Variants in RBM3 observed in about 807,000 individuals in gnomAD.
The protein encoded by RBM3 is RNA-binding protein 3.
RBM3 carries 3 observed loss-of-function variants against 12.0 expected under a neutral mutation model. That is an observed-to-expected ratio of 0.25 (90% CI 0.11 to 0.65). The LOEUF (loss-of-function observed/expected upper bound fraction) is 0.65. Ranked by LOEUF, RBM3 falls within the 30% of genes least tolerant of loss-of-function variation. The pLI is 0.84. For missense variants in RBM3, 108 were observed against 134.5 expected, an observed-to-expected ratio of 0.80 and a Z score of 0.97; for synonymous variants, 58 against 45.7, an observed-to-expected ratio of 1.27 and a Z score of -1.08.
intron 1 of RBM3, 133 bp downstream of exon 1, chrX:48,574,706 G>A (rs1556988790): frequency 3.0e-6 from 1 of 331,707 alleles, no homozygotes; most frequent in Non-Finnish European, 5.9e-6. Context: ...GGACGGGCGG[G>A]TCCCGTGCTT....
intron 2 of RBM3, 138 bp downstream of exon 2, chrX:48,575,421 A>T (rs781839930): frequency 5.0e-6 from 4 of 796,940 alleles, no homozygotes; most frequent in Non-Finnish European, 7.3e-6. Context: ...TAGACTAAGG[A>T]TGAGGGGAAG....
Position 48,575,606 on chromosome X carries a change from G to C in RBM3, c.149G>C (p.Gly50Ala). ...GAGACTCAGCGGTCCAGGGGTTTTG[G>C]TTTCATCACCTTCACCAACCCAGAG... Reference protein sequence around the residue: ...DRETQRSRGFGFITFTNPEHA... With the variant: ...DRETQRSRGFAFITFTNPEHA... The change falls in exon 3 of 7, where the codon GGT becomes GCT. Residue 50 changes from glycine (G) to alanine (A), a missense_variant. Gly to Ala is a moderately conservative substitution (Grantham distance 60). This residue lies in a region of RBM3 where 43 missense variants were observed against 79.6 expected (regional missense o/e 0.54). Coordinates refer to ENST00000376759, the MANE Select transcript of RBM3 (RefSeq NM_006743.5). The C allele has an allele frequency of 8.3e-7, 1 of 1,211,642 alleles. No individual in the cohort carries two copies. The highest frequency in any genetic ancestry group is 1.7e-5 in the African/African-American group (1 of 57,821).
Position 48,575,231 on chromosome X carries a change from C to G in RBM3, c.51C>G (p.Thr17=). The G allele has an allele frequency of 8.3e-7, 1 of 1,210,306 alleles. No individual in the cohort carries two copies. Among genetic ancestry groups the G allele is most frequent in the Non-Finnish European group, 1.1e-6 (1 of 894,931 alleles). Residue 17 remains threonine (T), a synonymous_variant, in exon 2 of 7, where the codon ACC becomes ACG. Transcript: ENST00000376759. The part of the protein sequence containing the change: ...KLFVGGLNFN[T]DEQALEDHFS... Reference sequence around the variant, plus strand: ...TCGTGGGAGGGCTCAACTTTAACACCGACGAGCAGGCACTGGAAGACCACT... The same window carrying G: ...TCGTGGGAGGGCTCAACTTTAACACGGACGAGCAGGCACTGGAAGACCACT...
intron 1 of RBM3, 137 bp from the exon 2 acceptor site, chrX:48,575,031 T>C: frequency 2.0e-6 from 1 of 494,659 alleles, no homozygotes; most frequent in Non-Finnish European, 3.5e-6. Context: ...CTTTCTCAGC[T>C]TTTCTGTAGT....
chrX:48,576,658 C>T (rs1364477075), intron 5 of RBM3, 54 bp downstream of exon 5: 8 of 1,147,870 alleles, frequency 7.0e-6, no homozygotes, highest in African/African-American at 1.8e-5. Flanking sequence ...TCCTTAAGAA[C>T]TCAGCGCCTG....
chrX:48,577,119 G>T lies in RBM3; in HGVS notation c.*23+10G>T, dbSNP rs782158738. The T allele has an allele frequency of 2.6e-5, 31 of 1,211,182 alleles. No individual in the cohort carries two copies. The highest frequency in any genetic ancestry group is 3.4e-5 in the Non-Finnish European group (30 of 895,333). On this transcript the variant is annotated intron_variant, in intron 6 of 6. Coordinates refer to ENST00000376759, the MANE Select transcript of RBM3 (RefSeq NM_006743.5). ...CATGCACATAATATAGGTGAGACTTGGATATCGGCATTGAGTGAACCTGTT... is the reference window on the plus strand; with the variant it reads ...CATGCACATAATATAGGTGAGACTTTGATATCGGCATTGAGTGAACCTGTT...
chrX:48,575,047 A>G (rs2062073979), intron 1 of RBM3, 121 bp from the exon 2 acceptor site: 12 of 530,102 alleles, frequency 2.3e-5, no homozygotes, highest in Non-Finnish European at 3.5e-5. Flanking sequence ...GTAGTTACCC[A>G]TATTTTGTTC....
chrX:48,576,905 T>A, intron 5 of RBM3, 121 bp from the exon 6 acceptor site: 1 of 893,188 alleles, frequency 1.1e-6, no homozygotes. Flanking sequence ...GCTTAACATA[T>A]CCTGTTTTTG....
intron 6 of RBM3, 151 bp from the exon 7 acceptor site, chrX:48,577,314 T>G: frequency 3.2e-6 from 3 of 948,004 alleles, no homozygotes; most frequent in Non-Finnish European, 1.4e-6. Context: ...AAAACCCATC[T>G]CCTATAATCT....
rs1163252603 is a variant in RBM3, at chrX:48,579,132, C to G, written c.*1691C>G. ...TTTGTAATTCTAGCTGGTCTTAGTTCCTCAGTTCTGCTCCCTTTAGTCATG... is the reference window on the plus strand; with the variant it reads ...TTTGTAATTCTAGCTGGTCTTAGTTGCTCAGTTCTGCTCCCTTTAGTCATG... On this transcript the variant is annotated 3_prime_UTR_variant, in exon 7 of 7. Transcript: ENST00000376759. 3 of 111,189 alleles carry G rather than the reference C, an allele frequency of 2.7e-5. No individual in the cohort carries two copies. Among genetic ancestry groups the G allele is most frequent in the Non-Finnish European group, 5.7e-5 (3 of 52,997 alleles). The allele number at this position is 111,189 out of a possible 1,213,427, so 9.2% of individuals were successfully genotyped here.
rs782010045 is a variant in RBM3 at position 48,579,385 on chromosome X, A to C, written c.*1944A>C. 4.5e-5 allele frequency among the ~76,000 whole-genome samples: 5 copies of C among 111,815 alleles called. No homozygotes were observed. The highest frequency in any genetic ancestry group is 1.6e-4 in the African/African-American group (5 of 30,768). On this transcript the variant is annotated 3_prime_UTR_variant, in exon 7 of 7. Transcript: ENST00000376759. ...TCCAGTCCTGGAGGCCTGCCTCCTG[A>C]GTTTCCCAGCTAGTTGGGACAGGCC... is the stretch of plus-strand genomic sequence containing the variant.
At chrX:48,576,947 T>TA (rs1556989429) in intron 5 of RBM3, 79 bp from the exon 6 acceptor site, 1 of 1,112,229 alleles carries the variant, frequency 9.0e-7, no homozygotes, top group African/African-American at 1.8e-5. Context: ...ACCCATACTG[T>TA]AAAATGTGAC....
At chrX:48,577,236 C>T in intron 6 of RBM3, 127 bp downstream of exon 6, 7 of 1,146,312 alleles carry the variant, frequency 6.1e-6, no homozygotes, top group Non-Finnish European at 7.0e-6. Flanking sequence ...ACCTACCAAA[C>T]ATTCCTAGCT....
intron 6 of RBM3, 56 bp downstream of exon 6, chrX:48,577,165 C>T (rs782543184): frequency 1.7e-6 from 2 of 1,203,138 alleles, no homozygotes; most frequent in East Asian, 3.0e-5. Flanking sequence ...TGTCATGACC[C>T]TCTCACCTTT....
chrX:48,574,732 C>A (rs199744228), intron 1 of RBM3, 159 bp downstream of exon 1: 1 of 331,739 alleles, frequency 3.0e-6, no homozygotes, highest in South Asian at 2.6e-5. Flanking sequence ...TGAAACATTT[C>A]GGTTGGTGGG....
chrX:48,574,623 C>T, intron 1 of RBM3, 50 bp downstream of exon 1: 1 of 332,072 alleles, frequency 3.0e-6, no homozygotes, highest in Non-Finnish European at 5.9e-6. Context: ...ACACACGCGC[C>T]GCGCCGGCCG....
intron 1 of RBM3, 39 bp downstream of exon 1, chrX:48,574,612 C>G: frequency 3.0e-6 from 1 of 331,908 alleles, no homozygotes; most frequent in African/African-American, 2.6e-5. Context: ...GGCTCCTCGC[C>G]ACACACGCGC....
chrX:48,575,454 G>A lies in RBM3; in HGVS notation c.104-107G>A. The A allele has an allele frequency of 1.0e-5, 8 of 803,362 alleles. No homozygotes were observed. In the South Asian group the frequency reaches 1.2e-4, roughly 12 times the overall value. 66.2% of individuals were successfully genotyped at this position (803,362 alleles called of 1,213,427 possible). On this transcript the variant is annotated intron_variant, in intron 2 of 6. Transcript: ENST00000376759. ...AAGCGTCTTTGGGATTAGTGGGAGC[G>A]CTCCGTTTTCCCTACCTATGCCATC... is the stretch of plus-strand genomic sequence containing the variant.
At chrX:48,575,147 T>G (rs782134247) in intron 1 of RBM3, 21 bp from the exon 2 acceptor site, 41 of 1,082,606 alleles carry the variant, frequency 3.8e-5, no homozygotes, top group Non-Finnish European at 5.2e-5. Context: ...CCTGCCACCA[T>G]TCTTCATGTT....
Sources: allele counts gnomAD v4.1 joint callset (sites outside exome capture counted in the v4.1 genomes callset), GRCh38; gene constraint gnomAD v4.1.1; regional missense constraint gnomAD v4.1.1; transcripts MANE v1.5; gene names NCBI Gene and HGNC (gene_info 2026-07-23, HGNC 2026-07-21).